CNKSR2: variants seen among roughly 807,000 people sequenced by gnomAD.
CNKSR2 encodes the protein CNK homolog protein 2.
In CNKSR2, 14 loss-of-function variants were observed where a neutral mutation model predicts 84.4. The ratio of observed to expected loss-of-function variants is 0.17; its 90% CI spans 0.11 to 0.26. The LOEUF (loss-of-function observed/expected upper bound fraction) is 0.26. Ranked by LOEUF, CNKSR2 falls within the 10% of genes least tolerant of loss-of-function variation. The probability of loss-of-function intolerance (pLI) is 1.00; values close to 1 mark genes in which losing one functional copy is unlikely to be tolerated. For missense variants in CNKSR2, 485 were observed against 771.2 expected (o/e 0.63, Z 4.40); for synonymous variants, 275 against 277.9 (o/e 0.99, Z 0.10).
At chrX:21,631,186 G>A (rs779503478) in intron 20 of CNKSR2, among the ~76,000 whole-genome samples, 1 of 110,680 alleles carries the variant, frequency 9.0e-6, no homozygotes, top group Non-Finnish European at 1.9e-5. Flanking sequence ...AGGCATGATG[G>A]TGTGCACCTG....
chrX:21,454,587 A>G (rs1323640684), intron 4 of CNKSR2, among the ~76,000 whole-genome samples: 2 of 111,818 alleles, frequency 1.8e-5, no homozygotes, highest in East Asian at 5.6e-4. Context: ...CTAGTTTCTC[A>G]TGGTTTACAA....
chrX:21,648,545 G>C (rs1450186453), intron 20 of CNKSR2, among the ~76,000 whole-genome samples: 1 of 110,744 alleles, frequency 9.0e-6, no homozygotes, highest in African/African-American at 3.3e-5. Flanking sequence ...GCTATCAAGA[G>C]TATATTTGGT....
chrX:21,556,288 GAA>G (rs989446300), intron 11 of CNKSR2, among the ~76,000 whole-genome samples: 12 of 111,175 alleles, frequency 1.1e-4, no homozygotes, highest in African/African-American at 3.9e-4. Flanking sequence ...GTAGACAGTA[GAA>G]AAGTCTGTCT....
At chrX:21,548,284 A>G (rs768611026) in intron 11 of CNKSR2, among the ~76,000 whole-genome samples, 36 of 112,265 alleles carry the variant, frequency 3.2e-4, no homozygotes, top group Non-Finnish European at 6.2e-4. Flanking sequence ...AGAGAATACT[A>G]TCAACACATT....
chrX:21,544,779 A>T (rs1449049592), intron 11 of CNKSR2, among the ~76,000 whole-genome samples: 1 of 111,212 alleles, frequency 9.0e-6, no homozygotes, highest in Non-Finnish European at 1.9e-5. Context: ...CCCTGGAAGC[A>T]CAAGGGGTCG....
chrX:21,383,162 G>C (rs1035249365), intron 1 of CNKSR2, among the ~76,000 whole-genome samples: 7 of 112,311 alleles, frequency 6.2e-5, no homozygotes, highest in African/African-American at 1.3e-4. Flanking sequence ...ACAATGGATT[G>C]CAATTGTGCC....
chrX:21,433,215 C>T (rs1220882572), intron 3 of CNKSR2, among the ~76,000 whole-genome samples: 1 of 111,635 alleles, frequency 9.0e-6, no homozygotes, highest in Non-Finnish European at 1.9e-5. Flanking sequence ...GGTAATTAGA[C>T]ACTGACACCT....
chrX:21,647,267 G>A (rs866481882), intron 20 of CNKSR2, among the ~76,000 whole-genome samples: 1 of 112,262 alleles, frequency 8.9e-6, no homozygotes, highest in Middle Eastern at 4.6e-3. Context: ...AGGACTCAAT[G>A]ACTATACCTA....
intron 1 of CNKSR2, among the ~76,000 whole-genome samples, chrX:21,413,383 TG>T (rs1453319061): frequency 9.0e-6 from 1 of 110,950 alleles, no homozygotes; most frequent in African/African-American, 3.3e-5. Flanking sequence ...AGGCATGCAA[TG>T]TGAAATAATC....
chrX:21,501,498 G>A lies in CNKSR2; in HGVS notation c.742-22G>A, dbSNP rs752465031. ...ACTGATAAAATTTATGTTCTTTATCGTTTCTTTTATATTAAATTCAGTCAC... is the reference window on the plus strand; with the variant it reads ...ACTGATAAAATTTATGTTCTTTATCATTTCTTTTATATTAAATTCAGTCAC... On this transcript the variant is annotated intron_variant, in intron 7 of 21. Coordinates refer to ENST00000379510, the MANE Select transcript of CNKSR2 (RefSeq NM_014927.5). The A allele has an allele frequency of 6.6e-6, 7 of 1,055,136 alleles. No homozygotes were observed. In the South Asian group the frequency reaches 9.0e-5, roughly 14 times the overall value. The allele number at this position is 1,055,136 out of a possible 1,213,427, so 87.0% of individuals were successfully genotyped here. A position where few individuals can be genotyped will look rare whatever the true frequency, so the allele number is the denominator to read the frequency against.
chrX:21,560,123 A>G (rs762923833), intron 11 of CNKSR2, among the ~76,000 whole-genome samples: 1 of 111,539 alleles, frequency 9.0e-6, no homozygotes, highest in Non-Finnish European at 1.9e-5. Context: ...TAATAGATTA[A>G]AGGAGGAAGA....
At chrX:21,465,664 G>A (rs186271040) in intron 4 of CNKSR2, among the ~76,000 whole-genome samples, 7 of 110,522 alleles carry the variant, frequency 6.3e-5, no homozygotes, top group African/African-American at 3.3e-5. Flanking sequence ...AAATATAATA[G>A]TATTATTATT....
chrX:21,420,247 C>A (rs1424277615), intron 1 of CNKSR2, among the ~76,000 whole-genome samples: 1 of 112,453 alleles, frequency 8.9e-6, no homozygotes, highest in Non-Finnish European at 1.9e-5. Context: ...TCTCTTCAAT[C>A]AGCTTGTAGC....
chrX:21,610,287 A>G (rs1309036722), intron 20 of CNKSR2, among the ~76,000 whole-genome samples: 5 of 112,190 alleles, frequency 4.5e-5, no homozygotes, highest in Non-Finnish European at 9.4e-5. Flanking sequence ...AGAAAAGTCA[A>G]TGAAGTAATC....
intron 1 of CNKSR2, among the ~76,000 whole-genome samples, chrX:21,387,990 C>T (rs181545445): frequency 9.2e-6 from 1 of 108,406 alleles, no homozygotes; most frequent in African/African-American, 3.4e-5. Context: ...AGCTCCGCCT[C>T]CCGGGTTCAC....
At chrX:21,507,349 T>G (rs2091623420) in intron 8 of CNKSR2, among the ~76,000 whole-genome samples, 1 of 111,064 alleles carries the variant, frequency 9.0e-6, no homozygotes, top group South Asian at 3.8e-4. Context: ...TAGTGGACAA[T>G]AAAGGATTTT....
intron 20 of CNKSR2, among the ~76,000 whole-genome samples, chrX:21,633,026 T>C (rs762133494): frequency 3.5e-4 from 37 of 104,444 alleles, no homozygotes; most frequent in Non-Finnish European, 6.5e-4. Flanking sequence ...CACACACACA[T>C]ACAGATTAGT....
intron 4 of CNKSR2, among the ~76,000 whole-genome samples, chrX:21,456,860 G>A (rs1384094387): frequency 1.8e-5 from 2 of 111,287 alleles, no homozygotes; most frequent in East Asian, 2.8e-4. Flanking sequence ...TCTTCTCTAC[G>A]TTTTTGCCAT....
At chrX:21,629,982 G>T (rs2147317693) in intron 20 of CNKSR2, among the ~76,000 whole-genome samples, 1 of 111,902 alleles carries the variant, frequency 8.9e-6, no homozygotes, top group South Asian at 3.8e-4. Context: ...TAACTGATCA[G>T]TCTTTGAATA....
Sources: gnomAD v4.1 joint callset for allele counts (sites outside exome capture counted in the v4.1 genomes callset) on GRCh38, gnomAD v4.1.1 for gene constraint, MANE v1.5 for transcripts, NCBI Gene and HGNC (gene_info 2026-07-23, HGNC 2026-07-21) for gene names.